Variants in STRBP observed in about 807,000 individuals in gnomAD.
STRBP encodes the protein spermatid perinuclear RNA-binding protein.
A neutral mutation model predicts 80.1 loss-of-function variants in STRBP; 13 were observed. The observed-to-expected ratio is 0.16, with a 90% CI of 0.11 to 0.26. The LOEUF is 0.26. STRBP is among the 10% of genes least tolerant of loss of function. STRBP has a pLI of 1.00. For synonymous variants in STRBP, 284 were observed against 291.2 expected (o/e 0.98, Z 0.25); for missense variants, 485 against 815.2 (o/e 0.59, Z 4.93).
At chr9:123,141,804 A>G (rs2036601067) in intron 13 of STRBP, among the ~76,000 whole-genome samples, 1 of 152,248 alleles carries the variant, frequency 6.6e-6, no homozygotes, top group Non-Finnish European at 1.5e-5. Context: ...ACACAGTGTA[A>G]CCAAAAAATT....
chr9:123,239,642 T>C (rs1211156835), intron 1 of STRBP, among the ~76,000 whole-genome samples: 1 of 152,224 alleles, frequency 6.6e-6, no homozygotes, highest in African/African-American at 2.4e-5. Context: ...CTTTTTCCTA[T>C]GCTATTCTTA....
chr9:123,165,233 A>T (rs570666671), intron 6 of STRBP, among the ~76,000 whole-genome samples: 1 of 148,872 alleles, frequency 6.7e-6, no homozygotes, highest in Non-Finnish European at 1.5e-5. Flanking sequence ...GTGAGCCGAG[A>T]TCGCACCACT....
intron 13 of STRBP, among the ~76,000 whole-genome samples, 172 bp from the exon 14 acceptor site, chr9:123,139,859 C>A (rs2036515865): frequency 6.6e-6 from 1 of 152,060 alleles, no homozygotes; most frequent in African/African-American, 2.4e-5. Flanking sequence ...GGTATACCTA[C>A]CAGGGTAGCA....
At chr9:123,128,490 G>A (rs541571521) in intron 17 of STRBP, among the ~76,000 whole-genome samples, 1 of 152,298 alleles carries the variant, frequency 6.6e-6, no homozygotes, top group East Asian at 1.9e-4. Context: ...GTGCCAGACT[G>A]TCCTACATCT....
chr9:123,215,689 G>GCT (rs1284503616), intron 2 of STRBP, among the ~76,000 whole-genome samples: 6 of 152,154 alleles, frequency 3.9e-5, no homozygotes, highest in Non-Finnish European at 8.8e-5. Context: ...GGAGGCAGAG[G>GCT]CAGGAGAATC....
rs374261884 is a variant in STRBP at position 123,158,118 on chromosome 9, T to C, written c.939A>G (p.Ala313=). Residue 313 remains alanine, a synonymous_variant, in exon 11 of 19, where the codon GCA becomes GCG. Coordinates refer to ENST00000348403, the MANE Select transcript of STRBP (RefSeq NM_018387.5). ...KEDITHSAQH[A]LRLSAFGQIY... Reference sequence around the variant, plus strand: ...TCTGGCCAAAGGCTGATAGTCTGAGTGCATGCTAAAGAACAAAGTATTATA... The same window carrying C: ...TCTGGCCAAAGGCTGATAGTCTGAGCGCATGCTAAAGAACAAAGTATTATA... 57 of 1,608,260 alleles carry C rather than the reference T, an allele frequency of 3.5e-5. No homozygotes were observed. Among genetic ancestry groups the C allele is most frequent in the Non-Finnish European group, 4.7e-5 (55 of 1,176,556 alleles).
intron 4 of STRBP, among the ~76,000 whole-genome samples, chr9:123,176,062 C>T (rs1417275268): frequency 6.6e-6 from 1 of 152,230 alleles, no homozygotes; most frequent in African/African-American, 2.4e-5. Flanking sequence ...AGGAATAATA[C>T]CTTTCTCACA....
chr9:123,114,297 G>A (rs138405923), intron 3 of STRBP: 19 of 167,240 alleles, frequency 1.1e-4, no homozygotes, highest in African/African-American at 3.6e-4. Flanking sequence ...CCAATCCTCC[G>A]GTCACCTCAC....
intron 11 of STRBP, among the ~76,000 whole-genome samples, chr9:123,152,436 T>C (rs1420170717): frequency 6.6e-6 from 1 of 152,084 alleles, no homozygotes; most frequent in Non-Finnish European, 1.5e-5. Flanking sequence ...TGATTGTTCA[T>C]AGAAGCTTCA....
In STRBP at chr9:123,173,564, G is replaced by A. The variant is rs532578586; in HGVS notation, c.390+113C>T. The A allele has an allele frequency of 5.4e-5, 61 of 1,119,650 alleles. No homozygotes were observed. The East Asian group carries it at 1.5e-3, about 28-fold the overall frequency. 69.4% of individuals were successfully genotyped at this position (1,119,650 alleles called of 1,614,324 possible). ...GACCCAGAGTAGCAGTACTCATTTT[G>A]TCTGTGTCTATCCTATTAGCTATTA... On this transcript the variant is annotated intron_variant, in intron 5 of 18. Transcript: ENST00000348403.
At chr9:123,203,256 G>A (rs561770614) in intron 2 of STRBP, among the ~76,000 whole-genome samples, 1 of 152,058 alleles carries the variant, frequency 6.6e-6, no homozygotes, top group South Asian at 2.1e-4. Context: ...TGAGGCAGGA[G>A]GATCACTTGA....
intron 2 of STRBP, among the ~76,000 whole-genome samples, chr9:123,219,300 C>T (rs1021712801): frequency 3.9e-5 from 6 of 152,160 alleles, no homozygotes; most frequent in African/African-American, 9.7e-5. Context: ...TAACTTCCCC[C>T]GACCCAAAGA....
intron 2 of STRBP, among the ~76,000 whole-genome samples, chr9:123,185,342 G>A (rs757628096): frequency 6.6e-6 from 1 of 152,112 alleles, no homozygotes; most frequent in Non-Finnish European, 1.5e-5. Context: ...CAAGACGGGA[G>A]GATTGCTTGA....
chr9:123,194,381 C>T (rs2039024611), intron 2 of STRBP, among the ~76,000 whole-genome samples: 2 of 152,136 alleles, frequency 1.3e-5, no homozygotes, highest in Admixed American at 1.3e-4. Flanking sequence ...GGATGTCACT[C>T]AGTAATCATC....
chr9:123,212,338 A>G (rs1401735273), intron 2 of STRBP, among the ~76,000 whole-genome samples: 1 of 152,214 alleles, frequency 6.6e-6, no homozygotes. Context: ...ATAATTGATA[A>G]GCATTTGTCG....
intron 2 of STRBP, among the ~76,000 whole-genome samples, chr9:123,195,563 C>G (rs1190395388): frequency 6.6e-6 from 1 of 152,076 alleles, no homozygotes; most frequent in East Asian, 1.9e-4. Context: ...AGCAAACACT[C>G]TGAAAGAAAT....
chr9:123,265,717 A>C (rs867667238), intron 1 of STRBP, among the ~76,000 whole-genome samples: 8 of 152,174 alleles, frequency 5.3e-5, no homozygotes, highest in Non-Finnish European at 1.0e-4. Context: ...TGGCAAGCTG[A>C]AGGCCATATG....
intron 6 of STRBP, chr9:123,168,208 G>C (rs987694552): frequency 8.1e-6 from 8 of 982,686 alleles, no homozygotes; most frequent in Non-Finnish European, 9.7e-6. Flanking sequence ...CATTTATCTT[G>C]ACACTTCAGA....
intron 11 of STRBP, among the ~76,000 whole-genome samples, chr9:123,148,237 G>A (rs1305089573): frequency 2.0e-5 from 3 of 152,168 alleles, no homozygotes; most frequent in African/African-American, 4.8e-5. Flanking sequence ...TTATGAGGGT[G>A]GAGCCCTTAT....
Sources: gnomAD v4.1 joint callset for allele counts (sites outside exome capture counted in the v4.1 genomes callset) on GRCh38, gnomAD v4.1.1 for gene constraint, MANE v1.5 for transcripts, NCBI Gene and HGNC (gene_info 2026-07-23, HGNC 2026-07-21) for gene names.